The following PROSER2 variants were observed in gnomAD, a reference collection of about 807,000 sequenced individuals.
The protein encoded by PROSER2 is proline and serine-rich protein 2.
In PROSER2, 18 loss-of-function variants were observed where a neutral mutation model predicts 14.6. The observed-to-expected ratio is 1.23, with a 90% CI of 0.85 to 1.83. PROSER2 has a LOEUF of 1.83. Ranked by LOEUF, PROSER2 falls within the 40% of genes most tolerant of loss-of-function variation. The pLI, the probability that PROSER2 is intolerant of heterozygous loss-of-function variation, is 0.00. For missense variants in PROSER2, 823 were observed against 629.8 expected (o/e 1.31, Z -3.28); for synonymous variants, 367 against 286.4 (o/e 1.28, Z -2.84).
At position 11,870,377 on chromosome 10, in the gene PROSER2, A is replaced by T; in HGVS notation, c.1279A>T (p.Lys427Ter). 6.6e-7 allele frequency: 1 copy of T among 1,507,158 alleles called. No individual in the cohort carries two copies. The highest frequency in any genetic ancestry group is 1.3e-5 in the South Asian group (1 of 79,552). The allele number at this position is 1,507,158 out of a possible 1,614,324, so 93.4% of individuals were successfully genotyped here. The change falls in exon 4 of 4, where the codon AAG becomes TAG. Residue 427 changes from lysine (K) to a stop codon, truncating the protein, a stop_gained. Transcript: ENST00000277570. LOFTEE classifies it high-confidence loss of function. ...GGAGGCGCGCAGGGAGGCCCTGCGG[A>T]AGCTGGGGCTGCTCAGGGAGAGTTC... ...SEEARREALRKLGLLRESS is the reference protein window; with the variant it reads ...SEEARREALR
In PROSER2 at chr10:11,869,501, G is replaced by T. The variant is rs1421244627; in HGVS notation, c.403G>T (p.Ala135Ser). The change falls in exon 4 of 4, where the codon GCT becomes TCT. Residue 135 changes from alanine (A) to serine (S), a missense_variant. Transcript: ENST00000277570. The surrounding 1 kb of genome is among the most constrained non-coding windows in gnomAD (Gnocchi z 4.4). ...CCCTTGTCTTCCAGGGCCTGCACCTGCTGGGAAGGAGCACAGGAAACAAGA... is the reference window on the plus strand; with the variant it reads ...CCCTTGTCTTCCAGGGCCTGCACCTTCTGGGAAGGAGCACAGGAAACAAGA... ...EGTQAAGPAPAGKEHRKQDAE... is the reference protein window; with the variant it reads ...EGTQAAGPAPSGKEHRKQDAE... 6.2e-7 allele frequency: 1 copy of T among 1,613,264 alleles called. No homozygotes were observed. Among genetic ancestry groups the T allele is most frequent in the Admixed American group, 1.7e-5 (1 of 60,006 alleles).
rs897936045 is a variant in PROSER2, at chr10:11,865,002, G to A, written c.139-1529G>A. Among the ~76,000 whole-genome samples the A allele has an allele frequency of 6.6e-6, 1 of 152,122 alleles. No homozygotes were observed. Among genetic ancestry groups the A allele is most frequent in the African/African-American group, 2.4e-5 (1 of 41,426 alleles). On this transcript the variant is annotated intron_variant, in intron 2 of 3. Transcript: ENST00000277570. The surrounding 1 kb of genome is among the most constrained non-coding windows in gnomAD (Gnocchi z 4.2). ...CACAATGATGCATACCTTGGCATGG[G>A]TCTGTTTGATTTTTATTCATTAGGT...
intron 3 of PROSER2, among the ~76,000 whole-genome samples, chr10:11,868,376 G>C (rs1834396009): frequency 6.6e-6 from 1 of 151,960 alleles, no homozygotes; most frequent in East Asian, 1.9e-4. Flanking sequence ...CCTGGGTTCA[G>C]ATGATCCTCC....
In PROSER2 at chr10:11,866,487, C is replaced by T. The variant is rs1195251061; in HGVS notation, c.139-44C>T. The T allele has an allele frequency of 1.2e-6, 2 of 1,603,576 alleles. No individual in the cohort carries two copies. The highest frequency in any genetic ancestry group is 2.2e-5 in the East Asian group (1 of 44,756). ...TCAGCTTTTGTCTCTTTAGTGAAGC[C>T]AGTGTTTGTTTTCTCTCTTCTGTTC... On this transcript the variant is annotated intron_variant, in intron 2 of 3. Coordinates refer to ENST00000277570, the MANE Select transcript of PROSER2 (RefSeq NM_153256.4). This position sits in a 1 kb window ranked among gnomAD's most constrained non-coding sequence, Gnocchi z 6.0.
At chr10:11,832,975 T>A (rs1231812343) in intron 1 of PROSER2, among the ~76,000 whole-genome samples, 1 of 152,094 alleles carries the variant, frequency 6.6e-6, no homozygotes, top group Non-Finnish European at 1.5e-5. Flanking sequence ...CCCGAGTAGC[T>A]GGGATTACAG....
chr10:11,855,052 G>A (rs531082319), intron 2 of PROSER2, among the ~76,000 whole-genome samples: 1 of 151,490 alleles, frequency 6.6e-6, no homozygotes, highest in East Asian at 1.9e-4. Context: ...ATATGTAAAT[G>A]CACCTCTTAG....
chr10:11,832,353 T>C (rs1588483201), intron 1 of PROSER2, among the ~76,000 whole-genome samples: 1 of 152,314 alleles, frequency 6.6e-6, no homozygotes, highest in Non-Finnish European at 1.5e-5. Flanking sequence ...AATTGAGAAA[T>C]AGCGCAGACT....
intron 1 of PROSER2, among the ~76,000 whole-genome samples, chr10:11,843,878 T>TA (rs1833886177): frequency 6.6e-6 from 1 of 151,330 alleles, no homozygotes; most frequent in Non-Finnish European, 1.5e-5. Flanking sequence ...TTATAGTACA[T>TA]ATAGATTTAG....
At chr10:11,829,669 G>A (rs982520733) in intron 1 of PROSER2, among the ~76,000 whole-genome samples, 3 of 151,154 alleles carry the variant, frequency 2.0e-5, no homozygotes, top group African/African-American at 7.3e-5. Context: ...CTGTACCGTG[G>A]TTTCTTTATA....
At chr10:11,829,246 T>G (rs1222365892) in intron 1 of PROSER2, among the ~76,000 whole-genome samples, 2 of 151,798 alleles carry the variant, frequency 1.3e-5, no homozygotes, top group Admixed American at 6.6e-5. Flanking sequence ...CACCTGGGCA[T>G]GTCAATTGTC....
At position 11,856,447 on chromosome 10, in the gene PROSER2, C is replaced by T. The variant is rs1356980513; in HGVS notation, c.138+4232C>T. Among the ~76,000 whole-genome samples, 3 of 152,178 alleles carry T rather than the reference C, an allele frequency of 2.0e-5. No homozygotes were observed. The highest frequency in any genetic ancestry group is 4.4e-5 in the Non-Finnish European group (3 of 68,042). On this transcript the variant is annotated intron_variant, in intron 2 of 3. Transcript: ENST00000277570. The surrounding 1 kb of genome is among the most constrained non-coding windows in gnomAD (Gnocchi z 5.3). Reference sequence around the variant, plus strand: ...CTAGAAGAAATAGGATTTGGCTGCTCGGAAAGGGCGGAGAGCTCTGCACTC... The same window carrying T: ...CTAGAAGAAATAGGATTTGGCTGCTTGGAAAGGGCGGAGAGCTCTGCACTC...
intron 1 of PROSER2, among the ~76,000 whole-genome samples, chr10:11,840,229 A>G (rs577639424): frequency 1.5e-4 from 23 of 151,742 alleles, no homozygotes; most frequent in Non-Finnish European, 3.2e-4. Flanking sequence ...CTGGGATTAT[A>G]GGTGTGAGCC....
intron 1 of PROSER2, among the ~76,000 whole-genome samples, chr10:11,848,649 C>T (rs1833963069): frequency 6.6e-6 from 1 of 152,186 alleles, no homozygotes; most frequent in African/African-American, 2.4e-5. Context: ...TGCCCCCCTA[C>T]CTGTCGGCAA....
intron 1 of PROSER2, among the ~76,000 whole-genome samples, chr10:11,834,930 A>C (rs1001356356): frequency 2.0e-5 from 3 of 151,950 alleles, no homozygotes; most frequent in African/African-American, 7.3e-5. Context: ...AACATGGTGA[A>C]ACCCTGTGTC....
rs1397349048 is a variant in PROSER2, at chr10:11,872,254, ATAAATT to A, written c.*1852_*1857del. 3 of 152,228 alleles carry A rather than the reference ATAAATT, an allele frequency of 2.0e-5. No homozygotes were observed. The highest frequency in any genetic ancestry group is 4.4e-5 in the Non-Finnish European group (3 of 68,044). 9.4% of individuals were successfully genotyped at this position (152,228 alleles called of 1,614,324 possible). A position where few individuals can be genotyped will look rare whatever the true frequency, so the allele number is the denominator to read the frequency against. ...GTTGCCATAATCACATTTTTGAAAA[ATAAATT>A]TAAGAGTTTTTTCTTAAGTAAGCTT... On this transcript the variant is annotated 3_prime_UTR_variant, in exon 4 of 4. Coordinates refer to ENST00000277570, the MANE Select transcript of PROSER2 (RefSeq NM_153256.4).
intron 2 of PROSER2, among the ~76,000 whole-genome samples, chr10:11,860,094 G>T (rs954707819): frequency 6.6e-6 from 1 of 152,202 alleles, no homozygotes; most frequent in African/African-American, 2.4e-5. Flanking sequence ...ACTGTGGAAG[G>T]TGGCTTCGTC....
intron 1 of PROSER2, among the ~76,000 whole-genome samples, chr10:11,839,037 T>C (rs1833799533): frequency 6.6e-6 from 1 of 152,170 alleles, no homozygotes; most frequent in Non-Finnish European, 1.5e-5. Context: ...ATAGAAAGAT[T>C]AATAGAGCAA....
intron 1 of PROSER2, among the ~76,000 whole-genome samples, chr10:11,832,703 C>G (rs1352950297): frequency 2.6e-5 from 4 of 152,178 alleles, no homozygotes; most frequent in Non-Finnish European, 5.9e-5. Context: ...AGGACTTGAT[C>G]TATAAATATG....
intron 1 of PROSER2, among the ~76,000 whole-genome samples, chr10:11,832,685 A>G (rs1258101258): frequency 6.6e-6 from 1 of 152,176 alleles, no homozygotes; most frequent in Non-Finnish European, 1.5e-5. Context: ...AATTTCTCCT[A>G]AATTGGAAGG....
Sources: allele counts gnomAD v4.1 joint callset (sites outside exome capture counted in the v4.1 genomes callset), GRCh38; gene constraint gnomAD v4.1.1; non-coding constraint Gnocchi (gnomAD v3.1); transcripts MANE v1.5; gene names NCBI Gene and HGNC (gene_info 2026-07-23, HGNC 2026-07-21).